The following VAV1 variants were observed in gnomAD, a reference collection of about 807,000 sequenced individuals.
The protein encoded by VAV1 is proto-oncogene vav.
A neutral mutation model predicts 128.1 loss-of-function variants in VAV1; 33 were observed. That is an observed-to-expected ratio of 0.26 (90% CI 0.20 to 0.34). VAV1 has a LOEUF of 0.34. Ranked by LOEUF, VAV1 falls within the 10% of genes least tolerant of loss-of-function variation. The probability of loss-of-function intolerance (pLI) is 1.00; values close to 1 mark genes in which losing one functional copy is unlikely to be tolerated. For missense variants in VAV1, 715 were observed against 1,093.7 expected (o/e 0.65, Z 4.88); for synonymous variants, 394 against 409.8 (o/e 0.96, Z 0.47).
rs1292013632 is a variant in VAV1, at chr19:6,816,166, CACA to C, written c.205-4535_205-4533del. ...TCCCGAGTAGCTGGGACTACAGGCG[CACA>C]CCACCACGCCCAGCTAATTTTTTTG... On this transcript the variant is annotated intron_variant, in intron 1 of 26. Coordinates refer to ENST00000602142, the MANE Select transcript of VAV1 (RefSeq NM_005428.4). Among the ~76,000 whole-genome samples the C allele has an allele frequency of 1.9e-3, 286 of 152,070 alleles. 4 individuals are homozygous for C. In the East Asian group the frequency reaches 0.034, roughly 18 times the overall value.
intron 14 of VAV1, 108 bp downstream of exon 14, chr19:6,830,026 T>G: frequency 6.5e-7 from 1 of 1,531,738 alleles, no homozygotes; most frequent in Non-Finnish European, 8.9e-7. Context: ...TGGAAGTGTG[T>G]GTTAATCCAC....
chr19:6,837,864 A>T (rs2660480), intron 21 of VAV1, among the ~76,000 whole-genome samples: 23,538 of 152,198 alleles, frequency 0.15, 5,756 homozygotes, highest in African/African-American at 0.52. Flanking sequence ...AGAGCAAGAT[A>T]TTAAAAGACA....
At chr19:6,852,724 G>GA (rs1021955099) in intron 24 of VAV1, among the ~76,000 whole-genome samples, 76 of 141,716 alleles carry the variant, frequency 5.4e-4, no homozygotes, top group Non-Finnish European at 6.8e-4. Flanking sequence ...CCGTCTCAAA[G>GA]AAAAAAAAAA....
Position 6,854,099 on chromosome 19 carries a change from G to A in VAV1, c.2484+1G>A. On this transcript the variant is annotated splice_donor_variant, in intron 26 of 26. Transcript: ENST00000602142. LOFTEE classifies it high-confidence loss of function. ...GTGGCGAGGGGAGATCTATGGCCGG[G>A]TGAGGCAGGCAGGGCTGGGTGACGG... is the stretch of plus-strand genomic sequence containing the variant. 1 of 1,612,636 alleles carries A rather than the reference G, an allele frequency of 6.2e-7. No individual in the cohort carries two copies. Among genetic ancestry groups the A allele is most frequent in the Non-Finnish European group, 8.5e-7 (1 of 1,179,902 alleles).
Position 6,851,008 on chromosome 19 carries a change from C to T in VAV1, c.2217+251C>T, listed in dbSNP as rs28612219. Among the ~76,000 whole-genome samples the T allele has an allele frequency of 5.7e-3, 868 of 151,996 alleles. 9 individuals carry two copies. Among genetic ancestry groups the T allele is most frequent in the African/African-American group, 0.02 (815 of 41,440 alleles). On this transcript the variant is annotated intron_variant, in intron 24 of 26. Transcript: ENST00000602142. ...TTTAAATTTTATTTATACATATATT[C>T]AAGCATTATGTATATATGTATGTGT...
chr19:6,831,479 T>A (rs1842091203), intron 14 of VAV1, among the ~76,000 whole-genome samples: 1 of 151,982 alleles, frequency 6.6e-6, no homozygotes, highest in African/African-American at 2.4e-5. Flanking sequence ...GCCCAGCTAA[T>A]TTTTTTGTAT....
intron 1 of VAV1, among the ~76,000 whole-genome samples, chr19:6,778,185 C>T (rs1970686840): frequency 6.6e-6 from 1 of 152,120 alleles, no homozygotes; most frequent in African/African-American, 2.4e-5. Flanking sequence ...GACCCACATG[C>T]CTCGGCCTCC....
intron 22 of VAV1, among the ~76,000 whole-genome samples, chr19:6,846,482 A>G (rs1169426901): frequency 6.6e-6 from 1 of 151,174 alleles, no homozygotes; most frequent in East Asian, 1.9e-4. Context: ...CAGCTACTCC[A>G]GAGGCTGAGG....
At chr19:6,836,666 C>A in intron 20 of VAV1, 98 bp downstream of exon 20, 1 of 1,529,462 alleles carries the variant, frequency 6.5e-7, no homozygotes. Flanking sequence ...CCACCATGCT[C>A]TGGAGGTGAT....
rs572033888 is a variant in VAV1 at position 6,840,130 on chromosome 19, C to T, written c.1981-3005C>T. Among the ~76,000 whole-genome samples the T allele has an allele frequency of 2.0e-5, 3 of 152,278 alleles. No homozygotes were observed. In the South Asian group the frequency reaches 6.2e-4, roughly 32 times the overall value. On this transcript the variant is annotated intron_variant, in intron 21 of 26. Transcript: ENST00000602142. ...CATTAAACAGCAACCACCTATTCCC[C>T]TCTCCCAGCCCCTGACATTCACATT...
intron 1 of VAV1, among the ~76,000 whole-genome samples, chr19:6,809,760 G>A (rs941168793): frequency 6.6e-6 from 1 of 152,116 alleles, no homozygotes; most frequent in Non-Finnish European, 1.5e-5. Context: ...TGATCACTGC[G>A]GTGGCTGCTC....
intron 19 of VAV1, among the ~76,000 whole-genome samples, chr19:6,834,987 G>A (rs542379242): frequency 3.3e-5 from 5 of 151,672 alleles, no homozygotes; most frequent in East Asian, 1.9e-4. Flanking sequence ...AGGTTGCAGT[G>A]AGCCATGATC....
intron 8 of VAV1, 33 bp downstream of exon 8, chr19:6,825,439 G>C: frequency 4.4e-6 from 7 of 1,578,830 alleles, no homozygotes; most frequent in Non-Finnish European, 6.1e-6. Flanking sequence ...GAAGCTCTGG[G>C]GTCACTCTGT....
intron 19 of VAV1, 50 bp from the exon 20 acceptor site, chr19:6,836,382 G>A (rs371379432): frequency 5.6e-5 from 89 of 1,577,988 alleles, no homozygotes; most frequent in Non-Finnish European, 7.6e-5. Flanking sequence ...AAGATTCAGG[G>A]TTGAAAGTTG....
chr19:6,848,826 C>T (rs537345272), intron 23 of VAV1, among the ~76,000 whole-genome samples: 2 of 151,400 alleles, frequency 1.3e-5, no homozygotes, highest in African/African-American at 4.9e-5. Context: ...GACAGTCTGT[C>T]TCTGTTGCCC....
rs753340238 is a variant in VAV1, at chr19:6,825,392, C to G, written c.813C>G (p.Ile271Met). The G allele has an allele frequency of 6.2e-7, 1 of 1,613,054 alleles. No homozygotes were observed. The highest frequency in any genetic ancestry group is 8.5e-7 in the Non-Finnish European group (1 of 1,179,230). ...PGAANLYQVF[I>M]KYKERFLVYG... is the part of the protein sequence containing the mutation. ...CAGCCAATCTCTACCAGGTCTTCATCAAATACAAGGAGAGGTGAGACCCAG... is the reference window on the plus strand; with the variant it reads ...CAGCCAATCTCTACCAGGTCTTCATGAAATACAAGGAGAGGTGAGACCCAG... The change falls in exon 8 of 27, where the codon ATC becomes ATG. Residue 271 changes from isoleucine to methionine, a missense_variant. Physicochemically the swap from Ile to Met is conservative, Grantham distance 10. Around this residue, in one of 3 missense-constraint regions of VAV1, gnomAD observed 302 missense variants for 477.8 expected, o/e 0.63. Coordinates refer to ENST00000602142, the MANE Select transcript of VAV1 (RefSeq NM_005428.4).
chr19:6,836,311 C>T (rs914767635), intron 19 of VAV1, 121 bp from the exon 20 acceptor site: 7 of 1,289,408 alleles, frequency 5.4e-6, no homozygotes, highest in Non-Finnish European at 7.4e-6. Context: ...TCTCCACGTC[C>T]TTGTCAACAC....
intron 1 of VAV1, among the ~76,000 whole-genome samples, chr19:6,813,863 G>A (rs1971564643): frequency 6.6e-6 from 1 of 152,168 alleles, no homozygotes; most frequent in African/African-American, 2.4e-5. Context: ...AGACCAGCCT[G>A]TGTGACATAG....
chr19:6,779,950 A>C (rs747683889), intron 1 of VAV1, among the ~76,000 whole-genome samples: 6 of 149,132 alleles, frequency 4.0e-5, no homozygotes, highest in Non-Finnish European at 9.0e-5. Context: ...TCTCTACTAA[A>C]AATACAAAAA....
Sources: allele counts gnomAD v4.1 joint callset (sites outside exome capture counted in the v4.1 genomes callset), GRCh38; gene constraint gnomAD v4.1.1; regional missense constraint gnomAD v4.1.1; transcripts MANE v1.5; gene names NCBI Gene and HGNC (gene_info 2026-07-23, HGNC 2026-07-21).